Variants in CDADC1 observed in about 807,000 individuals in gnomAD.
The protein encoded by CDADC1 is cytidine and dCMP deaminase domain containing 1.
A neutral mutation model predicts 54.9 loss-of-function variants in CDADC1; 39 were observed. The observed-to-expected ratio is 0.71, with a 90% confidence interval of 0.55 to 0.93. The LOEUF is 0.93. CDADC1 is among the 40% of genes least tolerant of loss of function. The pLI is 0.00. For synonymous variants in CDADC1, 186 were observed against 204.0 expected (o/e 0.91, Z 0.75); for missense variants, 518 against 618.8 (o/e 0.84, Z 1.73).
At chr13:49,284,775 C>T (rs763112919) in intron 8 of CDADC1, among the ~76,000 whole-genome samples, 1 of 152,156 alleles carries the variant, frequency 6.6e-6, no homozygotes, top group East Asian at 1.9e-4. Flanking sequence ...CCTCAAGGCT[C>T]GTGATGTTAA....
chr13:49,257,697 G>A (rs1952579241), intron 3 of CDADC1, among the ~76,000 whole-genome samples: 1 of 152,200 alleles, frequency 6.6e-6, no homozygotes, highest in Non-Finnish European at 1.5e-5. Flanking sequence ...GGGAGGCGGA[G>A]CTTGCAGTGA....
At chr13:49,277,479 T>C (rs968148803) in intron 6 of CDADC1, among the ~76,000 whole-genome samples, 1 of 152,136 alleles carries the variant, frequency 6.6e-6, no homozygotes, top group Admixed American at 6.5e-5. Flanking sequence ...GTTTGACATT[T>C]AGTAAATGTT....
intron 1 of CDADC1, 50 bp from the exon 2 acceptor site, chr13:49,248,821 T>G (rs1410803423): frequency 1.2e-5 from 14 of 1,201,596 alleles, no homozygotes; most frequent in Non-Finnish European, 1.7e-5. Flanking sequence ...ATTGGCTCCC[T>G]TTTTCACCAT....
At chr13:49,257,687 G>C (rs994988031) in intron 3 of CDADC1, among the ~76,000 whole-genome samples, 16 of 152,294 alleles carry the variant, frequency 1.1e-4, no homozygotes, top group Middle Eastern at 3.4e-3. Context: ...GCATGAACCC[G>C]GGAGGCGGAG....
intron 5 of CDADC1, among the ~76,000 whole-genome samples, chr13:49,271,289 C>T (rs556152086): frequency 6.6e-6 from 1 of 152,212 alleles, no homozygotes; most frequent in South Asian, 2.1e-4. Context: ...GAAAAAAGAG[C>T]AGGAGGAAGG....
At chr13:49,258,608 C>A (rs1342508499) in intron 3 of CDADC1, among the ~76,000 whole-genome samples, 1 of 152,214 alleles carries the variant, frequency 6.6e-6, no homozygotes. Context: ...TTAATTCAGG[C>A]TCAGCCAGTC....
Position 49,292,922 on chromosome 13 carries a change from G to A in CDADC1, c.*1165G>A, listed in dbSNP as rs941916539. 52 of 512,080 alleles carry A rather than the reference G, an allele frequency of 1.0e-4. No homozygotes were observed. The highest frequency in any genetic ancestry group is 3.6e-4 in the African/African-American group (18 of 49,544). 31.7% of individuals were successfully genotyped at this position (512,080 alleles called of 1,614,324 possible). ...TCCTACCAGTTTCTCAGAATTACAC[G>A]CACGACCATCCAAACATTGGCTCCA... On this transcript the variant is annotated 3_prime_UTR_variant, in exon 10 of 10. Transcript: ENST00000251108.
intron 5 of CDADC1, among the ~76,000 whole-genome samples, chr13:49,272,541 T>G (rs1952995537): frequency 6.6e-6 from 1 of 152,152 alleles, no homozygotes; most frequent in African/African-American, 2.4e-5. Context: ...CATCCAACTG[T>G]AAGTCGTATG....
chr13:49,272,780 C>T (rs1396687960), intron 5 of CDADC1, among the ~76,000 whole-genome samples: 1 of 151,734 alleles, frequency 6.6e-6, no homozygotes, highest in Non-Finnish European at 1.5e-5. Context: ...GCCTCAGCCT[C>T]CCAGGTAGCT....
chr13:49,287,436 C>T (rs901047765), intron 9 of CDADC1, among the ~76,000 whole-genome samples: 2 of 152,084 alleles, frequency 1.3e-5, no homozygotes, highest in African/African-American at 4.8e-5. Context: ...CTGCATCTTT[C>T]TTTTTAAAAA....
In CDADC1 at chr13:49,280,576, G is replaced by A; in HGVS notation, c.1288G>A (p.Val430Ile). 1 of 1,575,828 alleles carries A rather than the reference G, an allele frequency of 6.3e-7. No homozygotes were observed. The highest frequency in any genetic ancestry group is 8.6e-7 in the Non-Finnish European group (1 of 1,160,344). ...FVTKCPCDEC[V>I]PLIKGAGIKQ... ...GACAAAGTGCCCATGTGATGAGTGT[G>A]TACCTTTAATTAAAGGTGCAGGCAT... The change falls in exon 8 of 10, where the codon GTA (valine) becomes ATA (isoleucine). Residue 430 changes from valine to isoleucine, a missense_variant. Coordinates refer to ENST00000251108, the MANE Select transcript of CDADC1 (RefSeq NM_030911.4).
intron 5 of CDADC1, among the ~76,000 whole-genome samples, chr13:49,271,611 T>C (rs572159636): frequency 2.6e-5 from 4 of 152,148 alleles, no homozygotes; most frequent in African/African-American, 7.2e-5. Context: ...GCCTCTTTTT[T>C]TTTTTTTTTA....
In CDADC1 at chr13:49,280,499, T is replaced by A. The variant is rs577964124; in HGVS notation, c.1221-10T>A. ...ACGACCTTTCTGATATTTTATAATTTTTTTTGTAGGTGTCAAGAAATAAAA... is the reference window on the plus strand; with the variant it reads ...ACGACCTTTCTGATATTTTATAATTATTTTTGTAGGTGTCAAGAAATAAAA... On this transcript the variant is annotated splice_polypyrimidine_tract_variant and intron_variant, in intron 7 of 9. Coordinates refer to ENST00000251108, the MANE Select transcript of CDADC1 (RefSeq NM_030911.4). 7.3e-7 allele frequency: 1 copy of A among 1,367,860 alleles called. No homozygotes were observed. The highest frequency in any genetic ancestry group is 1.5e-5 in the African/African-American group (1 of 67,792). 84.7% of individuals were successfully genotyped at this position (1,367,860 alleles called of 1,614,324 possible).
Position 49,255,915 on chromosome 13 carries a change from T to G in CDADC1, c.252+2T>G, listed in dbSNP as rs745546034. On this transcript the variant is annotated splice_donor_variant, in intron 3 of 9. Coordinates refer to ENST00000251108, the MANE Select transcript of CDADC1 (RefSeq NM_030911.4). LOFTEE classifies it high-confidence loss of function. ...AGAGTATCTACTGACAAAAGACAGG[T>G]AAATTTTTATGATTTCACATATATA... 6.8e-6 allele frequency: 11 copies of G among 1,610,924 alleles called. No homozygotes were observed. Among genetic ancestry groups the G allele is most frequent in the Non-Finnish European group, 9.3e-6 (11 of 1,179,022 alleles).
chr13:49,271,842 A>G (rs1356714299), intron 5 of CDADC1, among the ~76,000 whole-genome samples: 1 of 152,176 alleles, frequency 6.6e-6, no homozygotes, highest in African/African-American at 2.4e-5. Context: ...CCTGTGAATG[A>G]CCAGATCATA....
intron 3 of CDADC1, among the ~76,000 whole-genome samples, chr13:49,258,175 A>C (rs1371078063): frequency 6.6e-6 from 1 of 152,216 alleles, no homozygotes; most frequent in Non-Finnish European, 1.5e-5. Flanking sequence ...TTCATACTCA[A>C]AACCGAAACT....
At chr13:49,276,039 T>G (rs1953125137) in intron 6 of CDADC1, among the ~76,000 whole-genome samples, 1 of 152,090 alleles carries the variant, frequency 6.6e-6, no homozygotes, top group African/African-American at 2.4e-5. Flanking sequence ...AGTGCTGGGA[T>G]TACAGGTGTG....
chr13:49,252,526 A>G (rs1197234796), intron 2 of CDADC1, among the ~76,000 whole-genome samples: 1 of 152,260 alleles, frequency 6.6e-6, no homozygotes, highest in Non-Finnish European at 1.5e-5. Context: ...ATATAATTTC[A>G]TTAGTTCTTC....
At chr13:49,291,036 C>T (rs553693988) in intron 9 of CDADC1, among the ~76,000 whole-genome samples, 75 of 152,180 alleles carry the variant, frequency 4.9e-4, no homozygotes, top group Non-Finnish European at 7.8e-4. Flanking sequence ...CTACCCCACA[C>T]ACAGTCCCCT....
Sources: allele counts gnomAD v4.1 joint callset (sites outside exome capture counted in the v4.1 genomes callset), GRCh38; gene constraint gnomAD v4.1.1; transcripts MANE v1.5; gene names NCBI Gene and HGNC (gene_info 2026-07-23, HGNC 2026-07-21).